The following SLC9B1 variants were observed in gnomAD, a reference collection of about 807,000 sequenced individuals.
The protein encoded by SLC9B1 is sodium/hydrogen exchanger 9B1.
Under a neutral mutation model 51.7 loss-of-function variants are expected in SLC9B1, and 32 were observed. The observed-to-expected ratio is 0.62, with a 90% CI of 0.47 to 0.83. The LOEUF (loss-of-function observed/expected upper bound fraction) is 0.83, where lower values mean the gene tolerates loss of function less well. SLC9B1 is among the 40% of genes least tolerant of loss of function. The pLI is 0.00. For missense variants in SLC9B1, 406 were observed against 613.2 expected (o/e 0.66, Z 3.57); for synonymous variants, 145 against 212.7 (o/e 0.68, Z 2.77).
intron 3 of SLC9B1, among the ~76,000 whole-genome samples, chr4:102,987,510 T>C (rs780342523): frequency 7.2e-5 from 11 of 151,940 alleles, no homozygotes; most frequent in Non-Finnish European, 1.5e-4. Flanking sequence ...ATCCATCAGA[T>C]CTAAGTTGGT....
chr4:102,960,245 T>A (rs1738033057), intron 3 of SLC9B1, among the ~76,000 whole-genome samples: 2 of 151,764 alleles, frequency 1.3e-5, no homozygotes. Flanking sequence ...TTGAATTAAG[T>A]ATTAAATTTA....
chr4:102,908,530 C>T (rs10856969), intron 9 of SLC9B1, among the ~76,000 whole-genome samples: 4 of 147,098 alleles, frequency 2.7e-5, no homozygotes, highest in East Asian at 2.0e-4. Context: ...CCTTACCTCA[C>T]AGCATTCACA....
intron 3 of SLC9B1, among the ~76,000 whole-genome samples, chr4:102,979,582 C>A (rs1448113013): frequency 1.3e-5 from 2 of 152,152 alleles, no homozygotes; most frequent in Non-Finnish European, 2.9e-5. Context: ...ATGTTTACTC[C>A]ATTTTTCCAA....
At chr4:102,905,754 A>C in intron 10 of SLC9B1, 104 bp from the exon 11 acceptor site, 1 of 1,038,720 alleles carries the variant, frequency 9.6e-7, no homozygotes. Context: ...TTTTAAGGCT[A>C]TTGTCTCTTC....
At chr4:102,991,585 A>C in intron 2 of SLC9B1, 58 bp downstream of exon 2, 1 of 1,172,984 alleles carries the variant, frequency 8.5e-7, no homozygotes, top group Non-Finnish European at 1.2e-6. Context: ...ATTAGGAATA[A>C]ATTTTAAGAT....
intron 1 of SLC9B1, among the ~76,000 whole-genome samples, chr4:103,012,387 C>T (rs1741127904): frequency 6.6e-6 from 1 of 152,160 alleles, no homozygotes; most frequent in African/African-American, 2.4e-5. Flanking sequence ...ACATTTCTAC[C>T]AGCCTTCTGA....
At chr4:102,977,334 G>C (rs1277679892) in intron 3 of SLC9B1, among the ~76,000 whole-genome samples, 2 of 145,616 alleles carry the variant, frequency 1.4e-5, no homozygotes, top group African/African-American at 2.5e-5. Flanking sequence ...AAAGGAAGAA[G>C]AACAAGAGGA....
At chr4:102,928,136 T>C (rs1182568899) in intron 7 of SLC9B1, among the ~76,000 whole-genome samples, 2 of 152,050 alleles carry the variant, frequency 1.3e-5, no homozygotes, top group African/African-American at 4.8e-5. Context: ...AATGATGAGT[T>C]GATGGGTGCA....
At chr4:103,000,377 A>T (rs899341681) in intron 1 of SLC9B1, among the ~76,000 whole-genome samples, 2 of 152,200 alleles carry the variant, frequency 1.3e-5, no homozygotes, top group Non-Finnish European at 2.9e-5. Context: ...TCATGCCTTC[A>T]CAACAATCCC....
intron 3 of SLC9B1, among the ~76,000 whole-genome samples, chr4:102,975,565 C>CAT (rs749203965): frequency 0.016 from 1,604 of 99,234 alleles, 32 homozygotes; most frequent in South Asian, 0.029. Flanking sequence ...ATTATATATA[C>CAT]ATATATATAT....
At chr4:102,971,814 C>A (rs1213421219) in intron 3 of SLC9B1, among the ~76,000 whole-genome samples, 1 of 152,176 alleles carries the variant, frequency 6.6e-6, no homozygotes, top group Non-Finnish European at 1.5e-5. Flanking sequence ...GATATCACCA[C>A]TGATCCCATG....
chr4:103,015,475 C>T (rs1470495578), intron 1 of SLC9B1, among the ~76,000 whole-genome samples: 1 of 152,022 alleles, frequency 6.6e-6, no homozygotes, highest in African/African-American at 2.4e-5. Flanking sequence ...GGTGGTCTAC[C>T]CACCCAACAC....
At chr4:102,994,449 A>G (rs1332110878) in intron 1 of SLC9B1, among the ~76,000 whole-genome samples, 2 of 152,200 alleles carry the variant, frequency 1.3e-5, no homozygotes, top group African/African-American at 4.8e-5. Flanking sequence ...AAAGCCATTC[A>G]ACAAGTCTCT....
rs547322495 is a variant in SLC9B1 at position 102,990,832 on chromosome 4, G to C, written c.69+811C>G. On this transcript the variant is annotated intron_variant, in intron 2 of 11. Transcript: ENST00000296422. ...ATGACTAAGGAGACAGAGATATCAA[G>C]GCAGCTGATGGTTAAAAATGAATTA... 5.9e-5 allele frequency among the ~76,000 whole-genome samples: 9 copies of C among 152,142 alleles called. No individual in the cohort carries two copies. In the East Asian group the frequency reaches 1.7e-3, roughly 29 times the overall value.
intron 11 of SLC9B1, among the ~76,000 whole-genome samples, chr4:102,894,624 GA>G (rs1326234123): frequency 1.3e-5 from 2 of 151,984 alleles, no homozygotes. Context: ...AGATCTATAA[GA>G]AAAAAACTAT....
At chr4:102,984,612 T>C (rs1198295409) in intron 3 of SLC9B1, among the ~76,000 whole-genome samples, 3 of 152,214 alleles carry the variant, frequency 2.0e-5, no homozygotes, top group Non-Finnish European at 4.4e-5. Flanking sequence ...GCTCAGGATA[T>C]AGTCTGTCTT....
intron 7 of SLC9B1, among the ~76,000 whole-genome samples, chr4:102,914,815 G>A (rs1735502945): frequency 1.3e-5 from 2 of 152,064 alleles, no homozygotes; most frequent in Non-Finnish European, 2.9e-5. Flanking sequence ...AAGGGGCAGA[G>A]AGCCAGTTAA....
intron 1 of SLC9B1, among the ~76,000 whole-genome samples, chr4:103,011,204 A>G (rs1741070331): frequency 6.6e-6 from 1 of 152,226 alleles, no homozygotes; most frequent in Non-Finnish European, 1.5e-5. Context: ...GAAAGGGGTA[A>G]TAAGTTCCAA....
In SLC9B1 at chr4:102,900,947, T is replaced by C. The variant is rs1734754376; in HGVS notation, c.*170A>G. ...AGAGCATTCCATTTAATATTATTTT[T>C]ATTAAATTAACTTTGGAGTAAAAAG... On this transcript the variant is annotated 3_prime_UTR_variant, in exon 12 of 12. Transcript: ENST00000296422. The C allele has an allele frequency of 7.2e-7, 1 of 1,381,920 alleles. No individual in the cohort carries two copies. Among genetic ancestry groups the C allele is most frequent in the African/African-American group, 1.5e-5 (1 of 68,360 alleles). 85.6% of individuals were successfully genotyped at this position (1,381,920 alleles called of 1,614,324 possible).
Sources: allele counts gnomAD v4.1 joint callset (sites outside exome capture counted in the v4.1 genomes callset), GRCh38; gene constraint gnomAD v4.1.1; transcripts MANE v1.5; gene names NCBI Gene and HGNC (gene_info 2026-07-23, HGNC 2026-07-21).